TRPM7: variants seen among roughly 807,000 people sequenced by gnomAD.
The protein encoded by TRPM7 is LTRPC ion channel family member 7.
Under a neutral mutation model 229.7 loss-of-function variants are expected in TRPM7, and 134 were observed. That is an observed-to-expected ratio of 0.58 (90% CI 0.51 to 0.67). The LOEUF is 0.67. Ranked by LOEUF, TRPM7 falls within the 30% of genes least tolerant of loss-of-function variation. The pLI, the probability that TRPM7 is intolerant of heterozygous loss-of-function variation, is 0.00. For synonymous variants in TRPM7, 699 were observed against 715.2 expected, an observed-to-expected ratio of 0.98 and a Z score of 0.36; for missense variants, 1,901 against 2,210.0, an observed-to-expected ratio of 0.86 and a Z score of 2.80.
intron 12 of TRPM7, 112 bp downstream of exon 12, chr15:50,624,054 A>G (rs956942339): frequency 2.4e-5 from 27 of 1,110,576 alleles, no homozygotes; most frequent in African/African-American, 6.4e-5. Context: ...ATTTTTTCAT[A>G]TAACTAAGGA....
chr15:50,647,534 A>G (rs1200753261), intron 4 of TRPM7, among the ~76,000 whole-genome samples: 1 of 152,148 alleles, frequency 6.6e-6, no homozygotes, highest in African/African-American at 2.4e-5. Flanking sequence ...TCATGAGGTC[A>G]GGAGATGGAG....
chr15:50,586,335 A>G, intron 28 of TRPM7, 57 bp downstream of exon 28: 1 of 1,179,128 alleles, frequency 8.5e-7, no homozygotes, highest in Non-Finnish European at 1.3e-6. Flanking sequence ...CATAAAATAC[A>G]TTTAAAGTGT....
At chr15:50,648,984 A>T in intron 3 of TRPM7, 99 bp from the exon 4 acceptor site, 1 of 811,424 alleles carries the variant, frequency 1.2e-6, no homozygotes, top group Non-Finnish European at 1.8e-6. Flanking sequence ...AAGCTTTAAA[A>T]TTTTTATATT....
At chr15:50,620,257 G>A (rs12438305) in intron 12 of TRPM7, among the ~76,000 whole-genome samples, 3 of 151,648 alleles carry the variant, frequency 2.0e-5, no homozygotes, top group East Asian at 3.9e-4. Context: ...TATGGCCCAA[G>A]ACAAATTTGT....
intron 14 of TRPM7, 130 bp from the exon 15 acceptor site, chr15:50,613,971 T>C: frequency 2.9e-6 from 4 of 1,357,878 alleles, no homozygotes; most frequent in Non-Finnish European, 4.0e-6. Context: ...ATTTAGGATT[T>C]TGACGACATA....
chr15:50,574,461 C>T lies in TRPM7; in HGVS notation c.5121G>A (p.Leu1707=). The T allele has an allele frequency of 6.2e-7, 1 of 1,612,846 alleles. No homozygotes were observed. The highest frequency in any genetic ancestry group is 1.1e-5 in the South Asian group (1 of 90,690). The change falls in exon 36 of 39, where the codon CTG becomes CTA. Residue 1707 remains leucine, a synonymous_variant. Transcript: ENST00000646667. ...ACTGTCCTGCTGAATGGCAATACAG[C>T]AGGAAAACTTCAAGGAACCTTATAA... is the stretch of plus-strand genomic sequence containing the variant. ...PYSPRFLEVF[L]LYCHSAGQWF... is the part of the protein sequence containing the mutation.
intron 20 of TRPM7, 86 bp downstream of exon 20, chr15:50,607,114 C>T: frequency 1.6e-6 from 2 of 1,215,670 alleles, no homozygotes; most frequent in South Asian, 1.6e-5. Context: ...ACACACACCC[C>T]CCTACGTATA....
intron 15 of TRPM7, 76 bp downstream of exon 15, chr15:50,613,631 T>C: frequency 2.3e-6 from 3 of 1,301,102 alleles, no homozygotes; most frequent in South Asian, 2.1e-5. Flanking sequence ...AATTAGTTTT[T>C]TTTGTTTAAT....
At chr15:50,654,053 G>A (rs1400026764) in intron 3 of TRPM7, among the ~76,000 whole-genome samples, 2 of 152,100 alleles carry the variant, frequency 1.3e-5, no homozygotes, top group Non-Finnish European at 2.9e-5. Context: ...AATCAAACCT[G>A]AATGGACAAA....
chr15:50,658,063 G>C (rs2061625579), intron 2 of TRPM7, among the ~76,000 whole-genome samples: 1 of 144,854 alleles, frequency 6.9e-6, no homozygotes, highest in East Asian at 2.1e-4. Context: ...GGAGTCCAAT[G>C]GCGCAATCTC....
chr15:50,679,817 G>A (rs187184842), intron 1 of TRPM7, among the ~76,000 whole-genome samples: 1 of 151,916 alleles, frequency 6.6e-6, no homozygotes, highest in East Asian at 1.9e-4. Context: ...TTACAGGCAA[G>A]AGCCACCATG....
chr15:50,618,330 G>A (rs184524734), intron 13 of TRPM7, among the ~76,000 whole-genome samples: 1 of 152,066 alleles, frequency 6.6e-6, no homozygotes, highest in Non-Finnish European at 1.5e-5. Context: ...CAGCACTTTG[G>A]GAGGCCAAGG....
Position 50,598,996 on chromosome 15 carries a change from G to A in TRPM7, c.3163+126C>T, listed in dbSNP as rs569351175. 21 of 665,060 alleles carry A rather than the reference G, an allele frequency of 3.2e-5. No homozygotes were observed. In the South Asian group the frequency reaches 3.6e-4, roughly 11 times the overall value. The allele number at this position is 665,060 out of a possible 1,614,324, so 41.2% of individuals were successfully genotyped here. A position where few individuals can be genotyped will look rare whatever the true frequency, so the allele number is the denominator to read the frequency against. On this transcript the variant is annotated intron_variant, in intron 22 of 38. Transcript: ENST00000646667. ...TATGTTTCTTCTGGAGTTCACTAACGCCTTTGTGTGGGGCTTAGGTTGGTA... is the reference window on the plus strand; with the variant it reads ...TATGTTTCTTCTGGAGTTCACTAACACCTTTGTGTGGGGCTTAGGTTGGTA...
chr15:50,684,109 G>T (rs1054403897), intron 1 of TRPM7, among the ~76,000 whole-genome samples: 4 of 151,138 alleles, frequency 2.6e-5, no homozygotes, highest in Non-Finnish European at 5.9e-5. Flanking sequence ...TCAGCCTGTC[G>T]CCGCCTCCCA....
At chr15:50,627,080 T>C (rs1292855204) in intron 11 of TRPM7, among the ~76,000 whole-genome samples, 1 of 152,130 alleles carries the variant, frequency 6.6e-6, no homozygotes, top group African/African-American at 2.4e-5. Flanking sequence ...AAGGTACAGA[T>C]GAACAGTTAA....
Position 50,678,260 on chromosome 15 carries a change from AAAAC to A in TRPM7, c.3+8267_3+8270del, listed in dbSNP as rs1159600405. Among the ~76,000 whole-genome samples, 263 of 149,062 alleles carry A rather than the reference AAAAC, an allele frequency of 1.8e-3. 7 individuals carry two copies. Among genetic ancestry groups the A allele is most frequent in the African/African-American group, 5.8e-3 (237 of 40,984 alleles). On this transcript the variant is annotated intron_variant, in intron 1 of 38. Coordinates refer to ENST00000646667, the MANE Select transcript of TRPM7 (RefSeq NM_017672.6). ...CTCTCAAAAAAAAAAAACAAAAACA[AAAAC>A]AAAAACAAAAACAAAAACCAACACC...
At chr15:50,638,152 G>A (rs915163155) in intron 6 of TRPM7, among the ~76,000 whole-genome samples, 1 of 151,576 alleles carries the variant, frequency 6.6e-6, no homozygotes, top group African/African-American at 2.4e-5. Context: ...GAGGTCAGGA[G>A]ATCGAGACCA....
At chr15:50,582,461 T>C (rs2054468091) in intron 29 of TRPM7, 2 of 152,146 alleles carry the variant, frequency 1.3e-5, no homozygotes. Context: ...CTCCCATGAG[T>C]TCTAAATTGC....
intron 19 of TRPM7, among the ~76,000 whole-genome samples, chr15:50,608,922 T>TAATA (rs1477095915): frequency 1.3e-5 from 2 of 152,226 alleles, no homozygotes; most frequent in East Asian, 3.8e-4. Flanking sequence ...GACAGCCAAC[T>TAATA]AATATTTCCT....
Sources: allele counts gnomAD v4.1 joint callset (sites outside exome capture counted in the v4.1 genomes callset), GRCh38; gene constraint gnomAD v4.1.1; transcripts MANE v1.5; gene names NCBI Gene and HGNC (gene_info 2026-07-23, HGNC 2026-07-21).